DOCK5: variants seen among roughly 807,000 people sequenced by gnomAD.
DOCK5 encodes dedicator of cytokinesis protein 5.
In DOCK5, 142 loss-of-function variants were observed where a neutral mutation model predicts 251.8. That is an observed-to-expected ratio of 0.56 (90% confidence interval 0.49 to 0.65). DOCK5 has a LOEUF of 0.65. DOCK5 is among the 30% of genes least tolerant of loss of function. The pLI is 0.00. For missense variants in DOCK5, 2,111 were observed against 2,312.3 expected, an observed-to-expected ratio of 0.91 and a Z score of 1.79; for synonymous variants, 842 against 835.5, an observed-to-expected ratio of 1.01 and a Z score of -0.13.
At chr8:25,268,088 T>C (rs148105872) in intron 2 of DOCK5, among the ~76,000 whole-genome samples, 6,234 of 152,016 alleles carry the variant, frequency 0.041, 417 homozygotes, top group African/African-American at 0.14. Context: ...GTCTTAAACT[T>C]CTGACGTCAT....
intron 26 of DOCK5, among the ~76,000 whole-genome samples, chr8:25,345,943 G>T (rs1008995360): frequency 6.6e-6 from 1 of 152,130 alleles, no homozygotes; most frequent in Non-Finnish European, 1.5e-5. Context: ...TCCGCCTCCC[G>T]GGTTCACGCC....
At chr8:25,274,069 A>G (rs893037605) in intron 3 of DOCK5, among the ~76,000 whole-genome samples, 2 of 152,180 alleles carry the variant, frequency 1.3e-5, no homozygotes, top group African/African-American at 4.8e-5. Flanking sequence ...TTTAATCTCA[A>G]ATGTTCTTGC....
At chr8:25,266,811 A>C (rs1265377850) in intron 2 of DOCK5, among the ~76,000 whole-genome samples, 1 of 149,308 alleles carries the variant, frequency 6.7e-6, no homozygotes, top group East Asian at 1.9e-4. Flanking sequence ...TTACACACAC[A>C]CCACAATTCT....
chr8:25,388,938 C>A, intron 40 of DOCK5, 153 bp from the exon 41 acceptor site: 1 of 663,282 alleles, frequency 1.5e-6, no homozygotes. Flanking sequence ...ATATGATGGT[C>A]GCTGTCAGGC....
intron 45 of DOCK5, among the ~76,000 whole-genome samples, chr8:25,396,191 C>A (rs1208805221): frequency 6.6e-6 from 1 of 152,096 alleles, no homozygotes; most frequent in Non-Finnish European, 1.5e-5. Context: ...ACCATCTTGG[C>A]CAACATGGTG....
intron 1 of DOCK5, among the ~76,000 whole-genome samples, chr8:25,206,780 TTGAA>T (rs1319594011): frequency 6.6e-6 from 1 of 152,194 alleles, no homozygotes; most frequent in Admixed American, 6.5e-5. Flanking sequence ...TCTTGGGAAT[TTGAA>T]TGAGGAAATA....
chr8:25,397,215 C>T (rs1476384406), intron 45 of DOCK5, among the ~76,000 whole-genome samples: 1 of 151,126 alleles, frequency 6.6e-6, no homozygotes, highest in African/African-American at 2.4e-5. Flanking sequence ...GAACAACACT[C>T]CGTCTAAAAA....
At chr8:25,395,923 TAGTAA>T (rs1349593930) in intron 45 of DOCK5, 1 of 683,540 alleles carries the variant, frequency 1.5e-6, no homozygotes, top group African/African-American at 1.8e-5. Context: ...AGAACTTACC[TAGTAA>T]AGCGTCACAG....
intron 51 of DOCK5, among the ~76,000 whole-genome samples, chr8:25,410,939 A>AATGTGTGTGTGTGTGTGTGTG (rs1554513012): frequency 1.1e-4 from 11 of 102,134 alleles, no homozygotes; most frequent in Non-Finnish European, 1.7e-4. Flanking sequence ...GAGAGAGAAA[A>AATGTGTGTGTGTGTGTGTGTG]TGTGTGTGTG....
intron 1 of DOCK5, among the ~76,000 whole-genome samples, chr8:25,223,422 CT>C (rs1472050543): frequency 2.0e-5 from 3 of 152,204 alleles, no homozygotes; most frequent in Non-Finnish European, 4.4e-5. Flanking sequence ...TTAAGTGATC[CT>C]TCTACCTCAG....
At chr8:25,206,859 A>G (rs1802013780) in intron 1 of DOCK5, among the ~76,000 whole-genome samples, 1 of 152,238 alleles carries the variant, frequency 6.6e-6, no homozygotes, top group African/African-American at 2.4e-5. Context: ...GTTGGTGGCA[A>G]CCTGAAGCCA....
At chr8:25,372,885 T>A (rs1800899310) in intron 35 of DOCK5, among the ~76,000 whole-genome samples, 167 bp downstream of exon 35, 1 of 152,214 alleles carries the variant, frequency 6.6e-6, no homozygotes, top group Non-Finnish European at 1.5e-5. Context: ...CTCACAGGTA[T>A]CAGCAGCCAC....
chr8:25,380,394 G>T lies in DOCK5; in HGVS notation c.4026G>T (p.Leu1342=), dbSNP rs767102304. Residue 1342 remains leucine (L), a splice_region_variant and synonymous_variant, in exon 39 of 52, where the codon CTG becomes CTT. Transcript: ENST00000276440. ...VFDYEGLGNL[L]KKRASFYENI... ...ACTACGAGGGCCTTGGCAACCTCCT[G>T]GTGAGTCTGGGTCAAAATATGTTAG... The T allele has an allele frequency of 3.5e-5, 56 of 1,604,682 alleles. No homozygotes were observed. Among genetic ancestry groups the T allele is most frequent in the Non-Finnish European group, 4.7e-5 (55 of 1,175,294 alleles).
At chr8:25,196,446 C>G (rs1801728465) in intron 1 of DOCK5, among the ~76,000 whole-genome samples, 1 of 152,094 alleles carries the variant, frequency 6.6e-6, no homozygotes, top group Non-Finnish European at 1.5e-5. Flanking sequence ...GTACTGTACA[C>G]TCAATAATTA....
chr8:25,294,822 G>A (rs1235824059), intron 6 of DOCK5, among the ~76,000 whole-genome samples: 4 of 152,322 alleles, frequency 2.6e-5, no homozygotes, highest in Middle Eastern at 3.4e-3. Flanking sequence ...GGCAGAAGGG[G>A]AAGCAAGCAC....
At chr8:25,236,082 GC>G (rs1364555856) in intron 1 of DOCK5, among the ~76,000 whole-genome samples, 2 of 152,158 alleles carry the variant, frequency 1.3e-5, no homozygotes, top group Non-Finnish European at 1.5e-5. Flanking sequence ...ACAGACATGA[GC>G]CACTGCACCT....
At chr8:25,359,516 AC>A (rs1800639082) in intron 28 of DOCK5, among the ~76,000 whole-genome samples, 1 of 152,182 alleles carries the variant, frequency 6.6e-6, no homozygotes, top group Non-Finnish European at 1.5e-5. Context: ...CCTGTTAGGA[AC>A]CTGGCCGCAC....
At position 25,368,595 on chromosome 8, in the gene DOCK5, C is replaced by G. The variant is rs779917876; in HGVS notation, c.3308C>G (p.Pro1103Arg). The G allele has an allele frequency of 6.2e-7, 1 of 1,606,982 alleles. No individual in the cohort carries two copies. The highest frequency in any genetic ancestry group is 1.7e-5 in the Admixed American group (1 of 58,286). The stretch of plus-strand genomic sequence containing the variant: ...GGTCCCCACAAAATCAAATTCATCC[C>G]ATCCATGGTGGGTCCCATTCTGGAG... Reference protein sequence around the residue: ...NLGPHKIKFIPSMVGPILEVT... With the variant: ...NLGPHKIKFIRSMVGPILEVT... The change falls in exon 33 of 52, where the codon CCA (proline) becomes CGA (arginine). Residue 1103 changes from proline (P) to arginine (R), a missense_variant. Coordinates refer to ENST00000276440, the MANE Select transcript of DOCK5 (RefSeq NM_024940.8).
intron 2 of DOCK5, among the ~76,000 whole-genome samples, chr8:25,250,063 C>A (rs981687766): frequency 6.6e-6 from 1 of 152,218 alleles, no homozygotes; most frequent in African/African-American, 2.4e-5. Context: ...CATATGTTTT[C>A]ATCTCTCTTG....
Sources: gnomAD v4.1 joint callset for allele counts (sites outside exome capture counted in the v4.1 genomes callset) on GRCh38, gnomAD v4.1.1 for gene constraint, MANE v1.5 for transcripts, NCBI Gene and HGNC (gene_info 2026-07-23, HGNC 2026-07-21) for gene names.